The following ZMAT1 variants were observed in gnomAD, a reference collection of about 807,000 sequenced individuals.
The protein encoded by ZMAT1 is zinc finger matrin-type protein 1.
ZMAT1 carries 11 observed loss-of-function variants against 18.5 expected under a neutral mutation model. The observed-to-expected ratio is 0.59, with a 90% CI of 0.37 to 0.98. The LOEUF (loss-of-function observed/expected upper bound fraction) is 0.98, where lower values mean the gene tolerates loss of function less well. Ranked by LOEUF, ZMAT1 falls within the 50% of genes least tolerant of loss-of-function variation. The pLI is 0.01. For synonymous variants in ZMAT1, 211 were observed against 176.4 expected (o/e 1.20, Z -1.55); for missense variants, 525 against 496.2 (o/e 1.06, Z -0.55).
chrX:101,919,091 A>C (rs899823447), intron 1 of ZMAT1, among the ~76,000 whole-genome samples: 43 of 111,445 alleles, frequency 3.9e-4, no homozygotes, highest in African/African-American at 1.3e-3. Context: ...TCCCCAGAAA[A>C]TTATTGACTC....
intron 1 of ZMAT1, among the ~76,000 whole-genome samples, chrX:101,907,924 T>A (rs778951966): frequency 8.9e-6 from 1 of 111,867 alleles, no homozygotes; most frequent in Non-Finnish European, 1.9e-5. Context: ...CAGGAGTACC[T>A]ATACCTATAC....
At chrX:101,931,508 G>C in intron 1 of ZMAT1, 1 of 752,834 alleles carries the variant, frequency 1.3e-6, no homozygotes, top group South Asian at 6.8e-5. Context: ...TTACAGGTGG[G>C]AGAGGTAGGG....
chrX:101,911,389 A>T, intron 1 of ZMAT1: 1 of 326,964 alleles, frequency 3.1e-6, no homozygotes, highest in Non-Finnish European at 5.2e-6. Flanking sequence ...ACAGAATATT[A>T]TAATACTATA....
chrX:101,889,707 C>T (rs1343401463), intron 4 of ZMAT1: 4 of 111,401 alleles, frequency 3.6e-5, no homozygotes, highest in African/African-American at 9.8e-5. Context: ...ACATCTTAAA[C>T]GGGGAAAAGC....
intron 1 of ZMAT1, among the ~76,000 whole-genome samples, chrX:101,907,773 T>C (rs1190545306): frequency 9.0e-6 from 1 of 111,052 alleles, no homozygotes; most frequent in African/African-American, 3.3e-5. Context: ...ATACAATGAA[T>C]GAAATGAAAA....
intron 1 of ZMAT1, among the ~76,000 whole-genome samples, chrX:101,921,172 C>T (rs1393664401): frequency 8.9e-6 from 1 of 111,846 alleles, no homozygotes; most frequent in African/African-American, 3.2e-5. Context: ...GTTCAACCTT[C>T]CACCACGGTT....
rs1211412496 is a variant in ZMAT1 at position 101,921,325 on chromosome X, TACA to T, written c.292+10389_292+10391del. ...TTGTTTCTTAAAGCTTTCCAGGTGA[TACA>T]ACAAGGGTAAGTATAAACCTTCTTC... On this transcript the variant is annotated intron_variant, in intron 1 of 5. Transcript: ENST00000651725. Among the ~76,000 whole-genome samples the T allele has an allele frequency of 1.8e-4, 20 of 112,322 alleles. No individual in the cohort carries two copies. The Admixed American group carries it at 1.8e-3, about 10-fold the overall frequency.
intron 4 of ZMAT1, chrX:101,892,667 A>T (rs1262718660): frequency 1.4e-6 from 1 of 698,608 alleles, no homozygotes; most frequent in African/African-American, 2.4e-5. Context: ...TAGTAAGATA[A>T]ACAAAACAAA....
intron 4 of ZMAT1, chrX:101,889,766 C>T (rs1171028761): frequency 9.0e-6 from 1 of 111,515 alleles, no homozygotes; most frequent in East Asian, 2.8e-4. Context: ...GGAAGAATTG[C>T]TAATGAACGC....
intron 1 of ZMAT1, among the ~76,000 whole-genome samples, chrX:101,907,739 T>C (rs1167057235): frequency 8.9e-6 from 1 of 112,002 alleles, no homozygotes; most frequent in Non-Finnish European, 1.9e-5. Context: ...TTTAAAAGTA[T>C]CAAATAAATT....
At chrX:101,885,329 T>G (rs1238184384) in intron 5 of ZMAT1, among the ~76,000 whole-genome samples, 1 of 111,882 alleles carries the variant, frequency 8.9e-6, no homozygotes, top group Non-Finnish European at 1.9e-5. Context: ...CTTATAAATG[T>G]GATATGTGTT....
intron 1 of ZMAT1, among the ~76,000 whole-genome samples, chrX:101,926,909 C>T (rs746301744): frequency 5.4e-5 from 6 of 111,825 alleles, no homozygotes; most frequent in African/African-American, 1.9e-4. Flanking sequence ...GATCTTGATG[C>T]AAAAACATCT....
chrX:101,908,642 C>T (rs1928760604), intron 1 of ZMAT1, among the ~76,000 whole-genome samples: 1 of 111,580 alleles, frequency 9.0e-6, no homozygotes, highest in African/African-American at 3.3e-5. Context: ...TCGGTGCTAT[C>T]CTGTTAGAGC....
intron 2 of ZMAT1, among the ~76,000 whole-genome samples, chrX:101,901,020 C>A (rs1328272324): frequency 9.0e-6 from 1 of 111,226 alleles, no homozygotes; most frequent in Non-Finnish European, 1.9e-5. Flanking sequence ...TTACAGAGAT[C>A]TTTCGACTCC....
At chrX:101,887,937 A>G (rs1280372794) in intron 4 of ZMAT1, 1 of 111,753 alleles carries the variant, frequency 8.9e-6, no homozygotes, top group Non-Finnish European at 1.9e-5. Flanking sequence ...GGAAATATGT[A>G]TCTCCTCTTA....
intron 1 of ZMAT1, among the ~76,000 whole-genome samples, chrX:101,915,292 T>TGTCAAAATTGTTATTCA (rs1929246275): frequency 9.3e-6 from 1 of 107,854 alleles, no homozygotes; most frequent in Non-Finnish European, 1.9e-5. Flanking sequence ...GGATGCCCAG[T>TGTCAAAATTGTTATTCA]GTCAAAACTG....
At chrX:101,897,204 T>C (rs1477420745) in intron 4 of ZMAT1, among the ~76,000 whole-genome samples, 1 of 107,730 alleles carries the variant, frequency 9.3e-6, no homozygotes, top group African/African-American at 3.4e-5. Context: ...ATGGATGAAA[T>C]TGGAAATCAT....
At chrX:101,887,424 T>C (rs1927042970) in intron 4 of ZMAT1, 2 of 184,836 alleles carry the variant, frequency 1.1e-5, no homozygotes, top group South Asian at 5.1e-4. Flanking sequence ...GATACATTAA[T>C]TTTTTAAAAA....
chrX:101,931,763 C>T lies in ZMAT1; in HGVS notation c.246G>A (p.Arg82=), dbSNP rs1053029561. ...FGGSTMAAAG[R]GGSSFKVDTR... The stretch of plus-strand genomic sequence containing the variant: ...TGTCTACTTTAAAACTACTGCCCCC[C>T]CTCCCCGCCGCCGCCATAGTGGAGC... Residue 82 remains arginine, a synonymous_variant, in exon 1 of 6, where the codon AGG becomes AGA. Coordinates refer to ENST00000651725, the MANE Select transcript of ZMAT1 (RefSeq NM_001394560.1). 7.8e-6 allele frequency: 6 copies of T among 771,610 alleles called. No individual in the cohort carries two copies. The highest frequency in any genetic ancestry group is 1.7e-4 in the Admixed American group (2 of 11,719). The allele number at this position is 771,610 out of a possible 1,213,427, so 63.6% of individuals were successfully genotyped here.
Sources: allele counts gnomAD v4.1 joint callset (sites outside exome capture counted in the v4.1 genomes callset), GRCh38; gene constraint gnomAD v4.1.1; transcripts MANE v1.5; gene names NCBI Gene and HGNC (gene_info 2026-07-23, HGNC 2026-07-21).